ARID5B: variants seen among roughly 807,000 people sequenced by gnomAD.
ARID5B encodes the protein AT-rich interaction domain 5B.
ARID5B carries 13 observed loss-of-function variants against 97.2 expected under a neutral mutation model. The observed-to-expected ratio is 0.13, with a 90% CI of 0.09 to 0.21. The LOEUF is 0.21. ARID5B is among the 10% of genes least tolerant of loss of function. ARID5B has a pLI of 1.00. For synonymous variants in ARID5B, 556 were observed against 570.3 expected (o/e 0.97, Z 0.36); for missense variants, 1,210 against 1,465.3 (o/e 0.83, Z 2.84).
intron 3 of ARID5B, among the ~76,000 whole-genome samples, chr10:61,962,568 A>G (rs1215190097): frequency 6.6e-6 from 1 of 152,254 alleles, no homozygotes; most frequent in African/African-American, 2.4e-5. Context: ...AGTGAAGGCC[A>G]TCTTCAATTT....
rs78436799 is a variant in ARID5B, at chr10:62,036,958, A to G, written c.734-13930A>G. On this transcript the variant is annotated intron_variant, in intron 4 of 9. Transcript: ENST00000279873. Reference sequence around the variant, plus strand: ...GACGAATCCTACTGGCATAACATCTATGGTTTCACCAACTCTTAGCAGTGA... The same window carrying G: ...GACGAATCCTACTGGCATAACATCTGTGGTTTCACCAACTCTTAGCAGTGA... Among the ~76,000 whole-genome samples, 417 of 152,338 alleles carry G rather than the reference A, an allele frequency of 2.7e-3. 1 individual carries two copies. Among genetic ancestry groups the G allele is most frequent in the African/African-American group, 9.6e-3 (397 of 41,562 alleles).
At chr10:61,934,342 G>A (rs1377754405) in intron 2 of ARID5B, among the ~76,000 whole-genome samples, 2 of 152,210 alleles carry the variant, frequency 1.3e-5, no homozygotes, top group Non-Finnish European at 2.9e-5. Flanking sequence ...GCTCACTGGA[G>A]TAGTGCTTTG....
chr10:61,994,794 A>ATGATATAAGCACAGAATT (rs6143946), intron 3 of ARID5B, among the ~76,000 whole-genome samples: 64,939 of 152,050 alleles, frequency 0.43, 14,039 homozygotes, highest in South Asian at 0.56. Flanking sequence ...ACGTGTAATT[A>ATGATATAAGCACAGAATT]AGAGTCATTT....
chr10:62,062,963 G>T (rs1412497999), intron 7 of ARID5B, among the ~76,000 whole-genome samples: 1 of 152,058 alleles, frequency 6.6e-6, no homozygotes, highest in Admixed American at 6.6e-5. Flanking sequence ...TAGCGTTGCT[G>T]AAAGAGATTT....
intron 8 of ARID5B, among the ~76,000 whole-genome samples, chr10:62,083,922 C>T (rs1226519846): frequency 1.3e-5 from 2 of 152,082 alleles, no homozygotes; most frequent in Admixed American, 6.5e-5. Flanking sequence ...GCTTTTTTCT[C>T]TTTGTGCTTA....
intron 8 of ARID5B, among the ~76,000 whole-genome samples, chr10:62,072,732 C>A (rs1840080971): frequency 6.6e-6 from 1 of 152,222 alleles, no homozygotes; most frequent in African/African-American, 2.4e-5. Flanking sequence ...ATTTGAAGAT[C>A]ATTGATTTTA....
rs117757404 is a variant in ARID5B at position 62,091,295 on chromosome 10, C to T, written c.1832C>T (p.Thr611Met). 2.0e-4 allele frequency: 321 copies of T among 1,614,192 alleles called. 2 individuals carry two copies. In the East Asian group the frequency reaches 6.3e-3, roughly 31 times the overall value. Residue 611 changes from threonine to methionine, a missense_variant, in exon 10 of 10, where the codon ACG becomes ATG. Thr to Met is a moderately conservative substitution (Grantham distance 81). This residue lies in a region of ARID5B where 800 missense variants were observed against 839.1 expected (regional missense o/e 0.95). Transcript: ENST00000279873. ...TQPPLANQNE[T>M]EDDKLPAMAD... ...CCACCGCTGGCAAACCAGAATGAGA[C>T]GGAGGATGACAAACTGCCCGCCATG... is the stretch of plus-strand genomic sequence containing the variant.
chr10:61,905,465 T>C (rs1046837282), intron 2 of ARID5B, among the ~76,000 whole-genome samples: 3 of 151,556 alleles, frequency 2.0e-5, no homozygotes, highest in African/African-American at 4.9e-5. Context: ...TTTTGGAATA[T>C]TTTCTCATGA....
At chr10:61,988,819 C>G (rs564117165) in intron 3 of ARID5B, among the ~76,000 whole-genome samples, 1 of 152,106 alleles carries the variant, frequency 6.6e-6, no homozygotes, top group African/African-American at 2.4e-5. Flanking sequence ...TAAGCCCTTG[C>G]AATGTGTCTT....
intron 3 of ARID5B, among the ~76,000 whole-genome samples, chr10:61,980,173 C>CTT (rs779122657): frequency 6.6e-5 from 10 of 152,064 alleles, no homozygotes; most frequent in Non-Finnish European, 1.0e-4. Flanking sequence ...TAAAATGTGA[C>CTT]TTTTAATCTT....
chr10:61,968,229 A>T (rs1489116482), intron 3 of ARID5B, among the ~76,000 whole-genome samples: 1 of 149,928 alleles, frequency 6.7e-6, no homozygotes, highest in Non-Finnish European at 1.5e-5. Flanking sequence ...CAGTTTCACC[A>T]GGCAGTACTT....
intron 2 of ARID5B, among the ~76,000 whole-genome samples, chr10:61,918,898 G>C (rs545516829): frequency 6.6e-6 from 1 of 152,226 alleles, no homozygotes; most frequent in Non-Finnish European, 1.5e-5. Context: ...ACTGGGTGTG[G>C]TGGCATGCAC....
At chr10:62,090,792 T>G in intron 9 of ARID5B, 70 bp from the exon 10 acceptor site, 1 of 1,506,278 alleles carries the variant, frequency 6.6e-7, no homozygotes, top group Admixed American at 2.4e-5. Context: ...GTGTGGAATA[T>G]TTTATTTCAT....
In ARID5B at chr10:61,940,344, C is replaced by T. The variant is rs1250712148; in HGVS notation, c.438C>T (p.Tyr146=). Reference sequence around the variant, plus strand: ...GACAGAAGGAAGCTCTGCTGAAGTACAGGCAGTCAACCCTAAACAGTGGAC... The same window carrying T: ...GACAGAAGGAAGCTCTGCTGAAGTATAGGCAGTCAACCCTAAACAGTGGAC... The part of the protein sequence containing the change: ...RNGQKEALLK[Y]RQSTLNSGLN... Residue 146 remains tyrosine (Y), a synonymous_variant, in exon 3 of 10, where the codon TAC becomes TAT. Coordinates refer to ENST00000279873, the MANE Select transcript of ARID5B (RefSeq NM_032199.3). The T allele has an allele frequency of 6.2e-7, 1 of 1,614,140 alleles. No homozygotes were observed. Among genetic ancestry groups the T allele is most frequent in the Middle Eastern group, 1.7e-4 (1 of 6,060 alleles).
At chr10:61,902,846 G>A (rs1423955793) in intron 2 of ARID5B, among the ~76,000 whole-genome samples, 1 of 151,924 alleles carries the variant, frequency 6.6e-6, no homozygotes, top group Admixed American at 6.5e-5. Context: ...TTTCGATATT[G>A]TTCTTTTTTC....
At chr10:61,928,583 G>T (rs1183193674) in intron 2 of ARID5B, among the ~76,000 whole-genome samples, 1 of 152,068 alleles carries the variant, frequency 6.6e-6, no homozygotes, top group Non-Finnish European at 1.5e-5. Flanking sequence ...ATGAGCCACC[G>T]TACCTGCCCC....
intron 3 of ARID5B, among the ~76,000 whole-genome samples, chr10:61,979,229 A>C (rs989448051): frequency 2.1e-4 from 32 of 152,236 alleles, no homozygotes; most frequent in African/African-American, 6.5e-4. Flanking sequence ...CTTAGGTCCT[A>C]CATTAGTGAG....
intron 7 of ARID5B, among the ~76,000 whole-genome samples, chr10:62,063,716 G>C (rs1047627917): frequency 4.6e-5 from 7 of 152,174 alleles, no homozygotes; most frequent in African/African-American, 1.7e-4. Flanking sequence ...AATTGACGAG[G>C]ACCCTTCCTT....
At chr10:61,925,400 C>T (rs1473874091) in intron 2 of ARID5B, among the ~76,000 whole-genome samples, 1 of 151,882 alleles carries the variant, frequency 6.6e-6, no homozygotes, top group Non-Finnish European at 1.5e-5. Flanking sequence ...ATGGCCAGAG[C>T]TAACTGGGTG....
Sources: allele counts gnomAD v4.1 joint callset (sites outside exome capture counted in the v4.1 genomes callset), GRCh38; gene constraint gnomAD v4.1.1; regional missense constraint gnomAD v4.1.1; transcripts MANE v1.5; gene names NCBI Gene and HGNC (gene_info 2026-07-23, HGNC 2026-07-21).